Variants in MYLK4 observed in about 807,000 individuals in gnomAD.
MYLK4 encodes caMLCK like.
In MYLK4, 46 loss-of-function variants were observed where a neutral mutation model predicts 48.1. That is an observed-to-expected ratio of 0.96 (90% CI 0.75 to 1.22). The LOEUF (loss-of-function observed/expected upper bound fraction) is 1.22. MYLK4 is among the 50% of genes most tolerant of loss of function. MYLK4 has a pLI of 0.00. For missense variants in MYLK4, 451 were observed against 486.1 expected (o/e 0.93, Z 0.68); for synonymous variants, 170 against 180.8 (o/e 0.94, Z 0.48).
chr6:2,723,933 G>A (rs1237585218), intron 2 of MYLK4, among the ~76,000 whole-genome samples: 1 of 152,174 alleles, frequency 6.6e-6, no homozygotes, highest in Non-Finnish European at 1.5e-5. Context: ...CTGGAGGGCA[G>A]TGGCGTGATC....
intron 3 of MYLK4, among the ~76,000 whole-genome samples, chr6:2,689,730 TAAGCAGCGACTGC>T (rs1283229208): frequency 2.0e-5 from 3 of 152,272 alleles, no homozygotes; most frequent in African/African-American, 7.2e-5. Flanking sequence ...ATTCATTTAC[TAAGCAGCGACTGC>T]ATGCATACAA....
chr6:2,694,587 G>GTAGTGGTAGTGCTGC (rs1761983303), intron 2 of MYLK4, among the ~76,000 whole-genome samples: 1 of 134,540 alleles, frequency 7.4e-6, no homozygotes, highest in African/African-American at 2.9e-5. Context: ...GCTGGTGGTG[G>GTAGTGGTAGTGCTGC]TGGTGGTGGT....
In MYLK4 at chr6:2,685,886, C is replaced by T. The variant is rs892850674; in HGVS notation, c.342-310G>A. 5.3e-5 allele frequency among the ~76,000 whole-genome samples: 8 copies of T among 151,998 alleles called. No individual in the cohort carries two copies. The highest frequency in any genetic ancestry group is 1.9e-4 in the African/African-American group (8 of 41,382). On this transcript the variant is annotated intron_variant, in intron 4 of 12. Coordinates refer to ENST00000274643, the MANE Select transcript of MYLK4 (RefSeq NM_001012418.5). The surrounding 1 kb of genome is among the most constrained non-coding windows in gnomAD (Gnocchi z 4.5). ...GACCAGTCTGGCCAACATAGTGAAA[C>T]CCCATCTCTGCTAAAAATACAAATA...
rs187329718 is a variant in MYLK4, at chr6:2,747,302, A to G, written c.159+1834T>C. Among the ~76,000 whole-genome samples, 312 of 152,300 alleles carry G rather than the reference A, an allele frequency of 2.0e-3. 1 individual carries two copies. The highest frequency in any genetic ancestry group is 6.9e-3 in the African/African-American group (285 of 41,550). ...TGGATGTAGTTGGCTGCACAAAAGTAACATCCCTACATATATTTATGTTCC... is the reference window on the plus strand; with the variant it reads ...TGGATGTAGTTGGCTGCACAAAAGTGACATCCCTACATATATTTATGTTCC... On this transcript the variant is annotated intron_variant, in intron 2 of 12. Transcript: ENST00000274643.
At chr6:2,678,098 T>C in intron 10 of MYLK4, 122 bp downstream of exon 10, 2 of 1,262,128 alleles carry the variant, frequency 1.6e-6, no homozygotes, top group Non-Finnish European at 2.2e-6. Flanking sequence ...CCTCATTCTA[T>C]CCATGACTTT....
At chr6:2,727,862 G>A (rs868056077) in intron 2 of MYLK4, among the ~76,000 whole-genome samples, 1 of 150,278 alleles carries the variant, frequency 6.7e-6, no homozygotes, top group Non-Finnish European at 1.5e-5. Flanking sequence ...CAGGAGAATC[G>A]CTTGAACCCG....
chr6:2,705,901 A>G lies in MYLK4; in HGVS notation c.160-13042T>C, dbSNP rs1762468648. Among the ~76,000 whole-genome samples, 6 of 132,348 alleles carry G rather than the reference A, an allele frequency of 4.5e-5. No individual in the cohort carries two copies. In the South Asian group the frequency reaches 1.6e-3, roughly 35 times the overall value. 86.8% of individuals were successfully genotyped at this position (132,348 alleles called of 152,430 possible). On this transcript the variant is annotated intron_variant, in intron 2 of 12. Coordinates refer to ENST00000274643, the MANE Select transcript of MYLK4 (RefSeq NM_001012418.5). Reference sequence around the variant, plus strand: ...AAGGGAAAATTTCTCAAATTATGTAATCCATTTGAATTCGGGGGAAAAAAA... The same window carrying G: ...AAGGGAAAATTTCTCAAATTATGTAGTCCATTTGAATTCGGGGGAAAAAAA...
intron 2 of MYLK4, among the ~76,000 whole-genome samples, chr6:2,712,711 C>T (rs9378729): frequency 0.65 from 98,219 of 152,084 alleles, 31,966 homozygotes; most frequent in South Asian, 0.72. Flanking sequence ...CAGAGCCAGA[C>T]GGCTGCATCG....
At chr6:2,756,429 G>A in the MYLK4 span, among the ~76,000 whole-genome samples, 16 of 152,104 alleles carry the variant, frequency 1.1e-4, no homozygotes, top group African/African-American at 3.4e-4. Context: ...CCCTGTTTCT[G>A]AATTCTGCCA....
intron 2 of MYLK4, among the ~76,000 whole-genome samples, chr6:2,694,533 GTAGTGTTGGTT>G (rs1761966004): frequency 6.0e-5 from 4 of 66,458 alleles, no homozygotes; most frequent in Admixed American, 2.7e-4. Context: ...GGTGGTGGTA[GTAGTGTTGGTT>G]GTGGTGGTAG....
At chr6:2,768,775 A>G in the MYLK4 span, 1 of 1,614,040 alleles carries the variant, frequency 6.2e-7, no homozygotes, top group Non-Finnish European at 8.5e-7. Context: ...TGCCAAGACA[A>G]ATGATGTGCG....
chr6:2,764,652 C>T, the MYLK4 span, among the ~76,000 whole-genome samples: 1 of 152,286 alleles, frequency 6.6e-6, no homozygotes, highest in East Asian at 1.9e-4. Flanking sequence ...CCGTCTAGGA[C>T]GTAATTGCAC....
rs1760626169 is a variant in MYLK4, at chr6:2,665,797, G to C, written c.*2128C>G. The C allele has an allele frequency of 6.6e-6, 1 of 152,186 alleles. No homozygotes were observed. Among genetic ancestry groups the C allele is most frequent in the Admixed American group, 6.5e-5 (1 of 15,288 alleles). 9.4% of individuals were successfully genotyped at this position (152,186 alleles called of 1,614,324 possible). ...CTGTTTAGCATTTGAGTGAATGCCA[G>C]CTCTCTGCGGTCTAACTAAGTATTA... On this transcript the variant is annotated 3_prime_UTR_variant, in exon 13 of 13. Transcript: ENST00000274643.
chr6:2,764,864 C>T, the MYLK4 span, among the ~76,000 whole-genome samples: 1 of 152,190 alleles, frequency 6.6e-6, no homozygotes, highest in Admixed American at 6.5e-5. Context: ...CTGAGGTGAG[C>T]ATTTCTTTCA....
chr6:2,765,360 C>T, the MYLK4 span: 2 of 293,736 alleles, frequency 6.8e-6, no homozygotes, highest in Non-Finnish European at 1.2e-5. Context: ...CCGCGCGAGG[C>T]GCCTCCGCCG....
chr6:2,727,185 G>C (rs185636539), intron 2 of MYLK4, among the ~76,000 whole-genome samples: 3 of 152,176 alleles, frequency 2.0e-5, no homozygotes, highest in Admixed American at 2.0e-4. Context: ...TAAAGAAGTG[G>C]CTGCATTAAC....
chr6:2,739,274 G>T (rs1288711119), intron 2 of MYLK4, among the ~76,000 whole-genome samples: 1 of 152,208 alleles, frequency 6.6e-6, no homozygotes, highest in African/African-American at 2.4e-5. Flanking sequence ...AGTGTCTTTT[G>T]TGCAGTGGTG....
intron 9 of MYLK4, 69 bp from the exon 10 acceptor site, chr6:2,678,441 T>G: frequency 6.5e-7 from 1 of 1,533,798 alleles, no homozygotes; most frequent in South Asian, 1.2e-5. Flanking sequence ...CAGATTGCTT[T>G]TCTGGTTGTG....
chr6:2,715,962 C>T (rs1391303154), intron 2 of MYLK4, among the ~76,000 whole-genome samples: 1 of 152,220 alleles, frequency 6.6e-6, no homozygotes, highest in Non-Finnish European at 1.5e-5. Flanking sequence ...CAGGCTACCA[C>T]GACTGTTGCC....
Sources: allele counts gnomAD v4.1 joint callset (sites outside exome capture counted in the v4.1 genomes callset), GRCh38; gene constraint gnomAD v4.1.1; non-coding constraint Gnocchi (gnomAD v3.1); transcripts MANE v1.5; gene names NCBI Gene and HGNC (gene_info 2026-07-23, HGNC 2026-07-21).